Variants in GRIN2A observed in about 807,000 individuals in gnomAD.
The protein encoded by GRIN2A is glutamate receptor ionotropic, NMDA 2A.
A neutral mutation model predicts 113.4 loss-of-function variants in GRIN2A; 22 were observed. That is an observed-to-expected ratio of 0.19 (90% confidence interval 0.14 to 0.28). The LOEUF (loss-of-function observed/expected upper bound fraction) is 0.28. GRIN2A is among the 10% of genes least tolerant of loss of function. GRIN2A has a pLI of 1.00. For synonymous variants in GRIN2A, 827 were observed against 738.4 expected (o/e 1.12, Z -1.94); for missense variants, 1,502 against 1,887.0 (o/e 0.80, Z 3.78).
At chr16:9,960,532 G>A (rs937501241) in intron 2 of GRIN2A, among the ~76,000 whole-genome samples, 2 of 152,178 alleles carry the variant, frequency 1.3e-5, no homozygotes, top group Admixed American at 6.5e-5. Flanking sequence ...GGTAGGTAGG[G>A]AGAGCATATG....
intron 2 of GRIN2A, among the ~76,000 whole-genome samples, chr16:10,038,579 C>T (rs974967318): frequency 2.0e-5 from 3 of 152,030 alleles, no homozygotes; most frequent in Non-Finnish European, 2.9e-5. Context: ...CGCGGTGGCT[C>T]ACGCCTGTAA....
intron 3 of GRIN2A, among the ~76,000 whole-genome samples, chr16:9,891,955 A>C (rs546883994): frequency 6.6e-6 from 1 of 152,220 alleles, no homozygotes; most frequent in African/African-American, 2.4e-5. Context: ...AGGTGCAGGC[A>C]TGGTGGCTCA....
chr16:9,827,127 T>C (rs1474859071), intron 9 of GRIN2A, among the ~76,000 whole-genome samples: 2 of 152,264 alleles, frequency 1.3e-5, no homozygotes, highest in Non-Finnish European at 2.9e-5. Context: ...TCTTTCATCC[T>C]TACTGCAATT....
At chr16:9,913,889 T>G (rs1369784415) in intron 3 of GRIN2A, among the ~76,000 whole-genome samples, 1 of 152,210 alleles carries the variant, frequency 6.6e-6, no homozygotes, top group African/African-American at 2.4e-5. Flanking sequence ...AATAACATTT[T>G]TTTTTCCATT....
chr16:9,861,307 G>A (rs1261891066), intron 4 of GRIN2A, among the ~76,000 whole-genome samples: 1 of 152,178 alleles, frequency 6.6e-6, no homozygotes, highest in Non-Finnish European at 1.5e-5. Flanking sequence ...GCAAACGGGA[G>A]ACCAATTTCT....
In GRIN2A at chr16:10,049,383, AT is replaced by A. The variant is rs565267242; in HGVS notation, c.415-110833del. 1.8e-3 allele frequency among the ~76,000 whole-genome samples: 265 copies of A among 146,098 alleles called. 1 individual carries two copies. Among genetic ancestry groups the A allele is most frequent in the Middle Eastern group, 3.6e-3 (1 of 280 alleles). On this transcript the variant is annotated intron_variant, in intron 2 of 12. Coordinates refer to ENST00000330684, the MANE Select transcript of GRIN2A (RefSeq NM_001134407.3). ...CCACCTTATTTATTGATTTTTTACTATTTTTTTTTTTCGAGACAGAGTCTTG... is the reference window on the plus strand; with the variant it reads ...CCACCTTATTTATTGATTTTTTACTATTTTTTTTTTCGAGACAGAGTCTTG...
intron 4 of GRIN2A, among the ~76,000 whole-genome samples, chr16:9,876,017 G>C (rs373157971): frequency 6.6e-6 from 1 of 152,164 alleles, no homozygotes; most frequent in East Asian, 1.9e-4. Flanking sequence ...ATGTAAAAGA[G>C]TCTTGGAACG....
chr16:9,875,627 C>G (rs1423848375), intron 4 of GRIN2A, among the ~76,000 whole-genome samples: 1 of 152,196 alleles, frequency 6.6e-6, no homozygotes, highest in Non-Finnish European at 1.5e-5. Flanking sequence ...AAGTGAGAAG[C>G]AGGCCCAGAC....
chr16:10,055,068 A>G (rs1567266347), intron 2 of GRIN2A, among the ~76,000 whole-genome samples: 2 of 80,566 alleles, frequency 2.5e-5, no homozygotes, highest in African/African-American at 1.1e-4. Flanking sequence ...AAAAAAAAAA[A>G]AAAAAAAAAA....
intron 5 of GRIN2A, among the ~76,000 whole-genome samples, chr16:9,846,217 C>T (rs1019203080): frequency 1.3e-5 from 2 of 152,088 alleles, no homozygotes; most frequent in Non-Finnish European, 2.9e-5. Context: ...TTCCTCATCT[C>T]CAGGAGAGTG....
At chr16:9,775,674 C>G (rs1901551192) in intron 11 of GRIN2A, among the ~76,000 whole-genome samples, 1 of 152,200 alleles carries the variant, frequency 6.6e-6, no homozygotes, top group South Asian at 2.1e-4. Context: ...ATGCTAAGAA[C>G]TTGATTTTCA....
intron 2 of GRIN2A, among the ~76,000 whole-genome samples, chr16:10,043,648 C>A (rs2047205342): frequency 6.6e-6 from 1 of 152,016 alleles, no homozygotes; most frequent in African/African-American, 2.4e-5. Context: ...TGCTCTGAAC[C>A]CCCACTGTAC....
At chr16:10,103,467 T>C (rs1234569657) in intron 2 of GRIN2A, among the ~76,000 whole-genome samples, 1 of 152,190 alleles carries the variant, frequency 6.6e-6, no homozygotes, top group East Asian at 1.9e-4. Context: ...CACATATAAC[T>C]CTAACCATCA....
chr16:10,047,932 G>C (rs1443627572), intron 2 of GRIN2A, among the ~76,000 whole-genome samples: 1 of 152,008 alleles, frequency 6.6e-6, no homozygotes, highest in Non-Finnish European at 1.5e-5. Context: ...CTCACTGGTG[G>C]GCTCCCTCTC....
At chr16:9,886,143 A>G (rs9929655) in intron 4 of GRIN2A, among the ~76,000 whole-genome samples, 6,204 of 152,284 alleles carry the variant, frequency 0.041, 447 homozygotes, top group African/African-American at 0.14. Flanking sequence ...AACCAAAGGG[A>G]ATGATTTGGT....
intron 2 of GRIN2A, among the ~76,000 whole-genome samples, chr16:10,046,742 G>C (rs149688061): frequency 5.8e-4 from 88 of 152,250 alleles, no homozygotes; most frequent in African/African-American, 2.1e-3. Context: ...GGTCAAATGA[G>C]ATAGTGTGTA....
At chr16:9,828,327 T>G (rs2141308845) in intron 9 of GRIN2A, among the ~76,000 whole-genome samples, 1 of 152,296 alleles carries the variant, frequency 6.6e-6, no homozygotes, top group Middle Eastern at 3.4e-3. Flanking sequence ...CTCTCATGCC[T>G]TTGTGGAAAT....
chr16:10,166,041 T>A (rs2049915404), intron 2 of GRIN2A, among the ~76,000 whole-genome samples: 1 of 152,126 alleles, frequency 6.6e-6, no homozygotes, highest in African/African-American at 2.4e-5. Flanking sequence ...TCGTTCTGAG[T>A]CTACTCACCC....
rs2042655099 is a variant in GRIN2A at position 9,840,541 on chromosome 16, G to A, written c.1651+106C>T. The stretch of plus-strand genomic sequence containing the variant: ...AGCATCCTCTGAAATATGCTGCCAT[G>A]GCCAAACAGAGCTAAACAAGTTCCT... On this transcript the variant is annotated intron_variant, in intron 7 of 12. Coordinates refer to ENST00000330684, the MANE Select transcript of GRIN2A (RefSeq NM_001134407.3). The A allele has an allele frequency of 4.7e-6, 5 of 1,059,486 alleles. No individual in the cohort carries two copies. In the South Asian group the frequency reaches 6.4e-5, roughly 14 times the overall value. 65.6% of individuals were successfully genotyped at this position (1,059,486 alleles called of 1,614,324 possible). A position where few individuals can be genotyped will look rare whatever the true frequency, so the allele number is the denominator to read the frequency against.
Sources: allele counts gnomAD v4.1 joint callset (sites outside exome capture counted in the v4.1 genomes callset), GRCh38; gene constraint gnomAD v4.1.1; transcripts MANE v1.5; gene names NCBI Gene and HGNC (gene_info 2026-07-23, HGNC 2026-07-21).